The following TMEM245 variants were observed in gnomAD, a reference collection of about 807,000 sequenced individuals.
TMEM245 encodes the protein protein CG-2.
In TMEM245, 69 loss-of-function variants were observed where a neutral mutation model predicts 101.2. That is an observed-to-expected ratio of 0.68 (90% confidence interval 0.56 to 0.83). The LOEUF (loss-of-function observed/expected upper bound fraction) is 0.83, where lower values mean the gene tolerates loss of function less well. TMEM245 is among the 40% of genes least tolerant of loss of function. TMEM245 has a pLI of 0.00. For synonymous variants in TMEM245, 537 were observed against 449.8 expected (o/e 1.19, Z -2.45); for missense variants, 1,075 against 1,092.8 (o/e 0.98, Z 0.23).
In TMEM245 at chr9:109,032,365, C is replaced by CTTTTTTTTTTTTTTTTTTTTTTTTTTT. The variant is rs755399182; in HGVS notation, c.2594+915_2594+941dup. Among the ~76,000 whole-genome samples the CTTTTTTTTTTTTTTTTTTTTTTTTTTT allele has an allele frequency of 3.4e-4, 14 of 40,980 alleles. 5 individuals carry two copies. The highest frequency in any genetic ancestry group is 1.1e-3 in the South Asian group (1 of 936). The allele number at this position is 40,980 out of a possible 152,430, so 26.9% of individuals were successfully genotyped here. A position where few individuals can be genotyped will look rare whatever the true frequency, so the allele number is the denominator to read the frequency against. ...GCATTTGGTTGTCCTATTTCTTTTC[C>CTTTTTTTTTTTTTTTTTTTTTTTTTTT]TTTTTTTTTTTTTTTTTTTTTTTTT... On this transcript the variant is annotated intron_variant, in intron 17 of 17. Transcript: ENST00000374586.
Position 109,045,007 on chromosome 9 carries a change from G to A in TMEM245, c.2123+5276C>T, listed in dbSNP as rs974700388. ...ACTCCTGACCTCAGGTGATCTGCCC[G>A]CCTTGGCCTCCCAAAGTGCTGGGAT... On this transcript the variant is annotated intron_variant, in intron 14 of 17. Transcript: ENST00000374586. Among the ~76,000 whole-genome samples the A allele has an allele frequency of 3.9e-5, 6 of 152,058 alleles. No individual in the cohort carries two copies. In the South Asian group the frequency reaches 1.0e-3, roughly 26 times the overall value.
At chr9:109,097,619 T>C (rs1830176153) in intron 3 of TMEM245, among the ~76,000 whole-genome samples, 1 of 152,138 alleles carries the variant, frequency 6.6e-6, no homozygotes, top group Non-Finnish European at 1.5e-5. Context: ...TGAAGTGAAA[T>C]AATACATATA....
intron 2 of TMEM245, among the ~76,000 whole-genome samples, chr9:109,106,848 C>T (rs1830438859): frequency 6.6e-6 from 1 of 152,130 alleles, no homozygotes; most frequent in African/African-American, 2.4e-5. Flanking sequence ...GCCTGCCTAC[C>T]TTTAATGGGG....
At chr9:109,049,971 TTA>T (rs888227294) in intron 14 of TMEM245, among the ~76,000 whole-genome samples, 1 of 152,182 alleles carries the variant, frequency 6.6e-6, no homozygotes, top group African/African-American at 2.4e-5. Context: ...TAAAATTTTT[TTA>T]TAGAGACAGG....
intron 17 of TMEM245, among the ~76,000 whole-genome samples, chr9:109,022,467 T>TTATC (rs35280235): frequency 0.089 from 13,356 of 149,440 alleles, 763 homozygotes; most frequent in African/African-American, 0.15. Flanking sequence ...TTTATATGCA[T>TTATC]TATCTATCTA....
intron 17 of TMEM245, among the ~76,000 whole-genome samples, chr9:109,021,541 G>T (rs1446365378): frequency 1.3e-5 from 2 of 152,110 alleles, no homozygotes; most frequent in African/African-American, 4.8e-5. Flanking sequence ...TTGAGACAAG[G>T]TCTCACTCTG....
chr9:109,070,523 G>T (rs1394851957), intron 9 of TMEM245, among the ~76,000 whole-genome samples: 2 of 152,132 alleles, frequency 1.3e-5, no homozygotes, highest in Non-Finnish European at 2.9e-5. Flanking sequence ...ACTGTCTACA[G>T]TTCAGGGCTT....
chr9:109,097,957 T>A (rs1331841309), intron 3 of TMEM245, among the ~76,000 whole-genome samples: 2 of 152,146 alleles, frequency 1.3e-5, no homozygotes, highest in African/African-American at 4.8e-5. Flanking sequence ...ATGCTGGGTA[T>A]GTAGGAAGTA....
At chr9:109,112,338 C>T (rs968760472) in intron 1 of TMEM245, among the ~76,000 whole-genome samples, 1 of 151,754 alleles carries the variant, frequency 6.6e-6, no homozygotes, top group African/African-American at 2.4e-5. Context: ...GTCAGGAGTT[C>T]GAGACCAGCC....
At chr9:109,052,273 G>A (rs541526838) in intron 12 of TMEM245, among the ~76,000 whole-genome samples, 2 of 152,272 alleles carry the variant, frequency 1.3e-5, no homozygotes, top group African/African-American at 2.4e-5. Context: ...TGCTGTGAAC[G>A]AAGAAATGCA....
Position 109,015,747 on chromosome 9 carries a change from A to T in TMEM245, c.*4713T>A, listed in dbSNP as rs1827422246. ...GAGCCTCCAGAGCCCCCCCATCTGT[A>T]CAATAAGGATAATATTGTCTGTCTC... On this transcript the variant is annotated 3_prime_UTR_variant, in exon 18 of 18. Coordinates refer to ENST00000374586, the MANE Select transcript of TMEM245 (RefSeq NM_032012.4). The T allele has an allele frequency of 6.6e-6, 1 of 152,584 alleles. No individual in the cohort carries two copies. The highest frequency in any genetic ancestry group is 2.1e-4 in the South Asian group (1 of 4,832). 9.5% of individuals were successfully genotyped at this position (152,584 alleles called of 1,614,324 possible). A position where few individuals can be genotyped will look rare whatever the true frequency, so the allele number is the denominator to read the frequency against.
intron 14 of TMEM245, among the ~76,000 whole-genome samples, chr9:109,049,362 C>A (rs796718976): frequency 5.3e-5 from 8 of 152,266 alleles, no homozygotes; most frequent in African/African-American, 1.7e-4. Context: ...ACAGCTTTCA[C>A]ACCACCATGC....
chr9:109,082,060 T>A (rs1829681693), intron 7 of TMEM245, among the ~76,000 whole-genome samples: 1 of 152,170 alleles, frequency 6.6e-6, no homozygotes, highest in Non-Finnish European at 1.5e-5. Context: ...TATTCTTAAT[T>A]TAGATCTGAT....
At chr9:109,106,905 C>A (rs900910916) in intron 2 of TMEM245, among the ~76,000 whole-genome samples, 2 of 152,026 alleles carry the variant, frequency 1.3e-5, no homozygotes, top group African/African-American at 4.8e-5. Flanking sequence ...GGTCTAAAAC[C>A]ATCCCGAACT....
Position 109,075,057 on chromosome 9 carries a change from C to T in TMEM245, c.1450-1619G>A, listed in dbSNP as rs1353894916. On this transcript the variant is annotated intron_variant, in intron 8 of 17. Coordinates refer to ENST00000374586, the MANE Select transcript of TMEM245 (RefSeq NM_032012.4). ...TAGATGTTTAAAGTAAGTTTGGACG[C>T]TGTGTTGAAAACAGACTAAATGAGG... Among the ~76,000 whole-genome samples, 3 of 152,190 alleles carry T rather than the reference C, an allele frequency of 2.0e-5. No individual in the cohort carries two copies. The East Asian group carries it at 5.8e-4, about 29-fold the overall frequency.
chr9:109,032,121 G>A (rs1309857274), intron 17 of TMEM245, among the ~76,000 whole-genome samples: 2 of 152,062 alleles, frequency 1.3e-5, no homozygotes, highest in South Asian at 2.1e-4. Flanking sequence ...ATCATGACAC[G>A]TCATCTTTAA....
intron 10 of TMEM245, among the ~76,000 whole-genome samples, chr9:109,063,986 T>C (rs1380755933): frequency 6.6e-6 from 1 of 152,224 alleles, no homozygotes; most frequent in Non-Finnish European, 1.5e-5. Context: ...GCTCTGCAAT[T>C]TACTACACGA....
Position 109,119,725 on chromosome 9 carries a change from C to T in TMEM245, c.189G>A (p.Val63=). Residue 63 remains valine, a synonymous_variant, in exon 1 of 18, where the codon GTG becomes GTA. Coordinates refer to ENST00000374586, the MANE Select transcript of TMEM245 (RefSeq NM_032012.4). ...AFYNTGAVLF[V]CLCCGAAVLV... The stretch of plus-strand genomic sequence containing the variant: ...GCACCGCGGCGCCGCAGCACAGGCA[C>T]ACGAACAGCACGGCCCCGGTGTTGT... 6.5e-7 allele frequency: 1 copy of T among 1,544,694 alleles called. No homozygotes were observed. Among genetic ancestry groups the T allele is most frequent in the Non-Finnish European group, 8.7e-7 (1 of 1,150,538 alleles).
At chr9:109,034,237 C>T (rs1026990052) in intron 16 of TMEM245, among the ~76,000 whole-genome samples, 9 of 152,244 alleles carry the variant, frequency 5.9e-5, no homozygotes, top group African/African-American at 2.2e-4. Flanking sequence ...ATGAGAAGAA[C>T]AATTCAGTGA....
Sources: gnomAD v4.1 joint callset for allele counts (sites outside exome capture counted in the v4.1 genomes callset) on GRCh38, gnomAD v4.1.1 for gene constraint, MANE v1.5 for transcripts, NCBI Gene and HGNC (gene_info 2026-07-23, HGNC 2026-07-21) for gene names.